Variants in KLC4 observed in about 807,000 individuals in gnomAD.
The protein encoded by KLC4 is kinesin light chain 4.
In KLC4, 49 loss-of-function variants were observed where a neutral mutation model predicts 77.2. The observed-to-expected ratio is 0.63, with a 90% confidence interval of 0.50 to 0.80. KLC4 has a LOEUF of 0.80. Among genes scored for constraint, KLC4 ranks in the 30% least tolerant of loss-of-function variants. KLC4 has a pLI of 0.00. For missense variants in KLC4, 669 were observed against 793.5 expected, an observed-to-expected ratio of 0.84 and a Z score of 1.89; for synonymous variants, 274 against 314.5, an observed-to-expected ratio of 0.87 and a Z score of 1.36.
At chr6:43,066,654 A>G in intron 5 of KLC4, 129 bp downstream of exon 5, 1 of 755,218 alleles carries the variant, frequency 1.3e-6, no homozygotes, top group Admixed American at 2.8e-5. Flanking sequence ...ACACCCCAAC[A>G]GGGTGCTTCT....
intron 3 of KLC4, among the ~76,000 whole-genome samples, chr6:43,063,552 G>A (rs4714659): frequency 0.23 from 34,273 of 150,774 alleles, 6,322 homozygotes; most frequent in African/African-American, 0.51. Flanking sequence ...CAAAATGTGT[G>A]AATTTTTTTT....
intron 4 of KLC4, 66 bp downstream of exon 4, chr6:43,065,767 A>G (rs1765392695): frequency 9.4e-7 from 1 of 1,059,706 alleles, no homozygotes; most frequent in African/African-American, 1.6e-5. Flanking sequence ...GCTGTGGCCC[A>G]CCCTGTACAC....
Position 43,070,794 on chromosome 6 carries a change from C to T in KLC4, c.1084C>T (p.Arg362Ter), listed in dbSNP as rs141021918. 6.2e-6 allele frequency: 10 copies of T among 1,613,936 alleles called. No homozygotes were observed. Among genetic ancestry groups the T allele is most frequent in the Non-Finnish European group, 8.5e-6 (10 of 1,180,002 alleles). The change falls in exon 8 of 16, where the codon CGA becomes TGA. Residue 362 changes from arginine to a stop codon, truncating the protein, a stop_gained. Transcript: ENST00000347162. LOFTEE classifies it high-confidence loss of function. Reference protein sequence around the residue: ...KYEAVERYYQRALAIYEGQLG... With the variant: ...KYEAVERYYQ The stretch of plus-strand genomic sequence containing the variant: ...TGAGGCCGTGGAACGCTACTACCAG[C>T]GAGCACTGGCCATCTACGAGGGGCA...
chr6:43,065,790 A>G, intron 4 of KLC4, 89 bp downstream of exon 4: 2 of 849,614 alleles, frequency 2.4e-6, no homozygotes, highest in Non-Finnish European at 1.9e-6. Flanking sequence ...GACAGTCACC[A>G]TCTAGAAATA....
intron 10 of KLC4, 104 bp downstream of exon 10, chr6:43,071,723 C>T: frequency 1.4e-6 from 2 of 1,439,174 alleles, no homozygotes; most frequent in Non-Finnish European, 1.9e-6. Flanking sequence ...CCAGCACCAG[C>T]CCCAGATGCA....
Position 43,071,560 on chromosome 6 carries a change from C to T in KLC4, c.1256-7C>T. On this transcript the variant is annotated splice_region_variant and splice_polypyrimidine_tract_variant and intron_variant, in intron 9 of 15. Coordinates refer to ENST00000347162, the MANE Select transcript of KLC4 (RefSeq NM_201521.3). ...TCTAACCTCCCCACCCCATGTATCA[C>T]CCCTAGATGACCACAAGCCCATCTG... 4 of 1,613,130 alleles carry T rather than the reference C, an allele frequency of 2.5e-6. No individual in the cohort carries two copies. Among genetic ancestry groups the T allele is most frequent in the Non-Finnish European group, 3.4e-6 (4 of 1,179,630 alleles).
intron 7 of KLC4, 114 bp from the exon 8 acceptor site, chr6:43,070,574 TCTTC>T: frequency 4.2e-6 from 6 of 1,412,172 alleles, no homozygotes; most frequent in African/African-American, 1.4e-5. Flanking sequence ...CTTTGTTCTC[TCTTC>T]CTTCATTCCC....
At chr6:43,071,458 C>T (rs1009748467) in intron 9 of KLC4, 84 bp downstream of exon 9, 11 of 1,538,810 alleles carry the variant, frequency 7.1e-6, no homozygotes, top group Non-Finnish European at 9.0e-6. Flanking sequence ...ACAGCGGTTC[C>T]CAGGGGGAGC....
intron 3 of KLC4, 85 bp from the exon 4 acceptor site, chr6:43,065,535 T>C: frequency 1.1e-6 from 1 of 884,584 alleles, no homozygotes; most frequent in Middle Eastern, 2.3e-4. Flanking sequence ...CCCATCTGTC[T>C]GTGATTTCAT....
chr6:43,070,592 C>T (rs1263727200), intron 7 of KLC4, 100 bp from the exon 8 acceptor site: 1 of 1,444,042 alleles, frequency 6.9e-7, no homozygotes, highest in African/African-American at 1.4e-5. Flanking sequence ...CATTCCCTTT[C>T]CTCTGCTTTC....
chr6:43,071,854 C>A lies in KLC4; in HGVS notation c.1311C>A (p.Ser437Arg). The A allele has an allele frequency of 6.2e-7, 1 of 1,611,936 alleles. No homozygotes were observed. Among genetic ancestry groups the A allele is most frequent in the Non-Finnish European group, 8.5e-7 (1 of 1,179,550 alleles). The change falls in exon 11 of 16, where the codon AGC (serine) becomes AGA (arginine). Residue 437 changes from serine (S) to arginine (R), a missense_variant and splice_region_variant. Transcript: ENST00000347162. ...TCTGGCCTCTCTCTGTCCTGCAGAG[C>A]CGGCACCATGAGGGTGGGACACCCT... is the stretch of plus-strand genomic sequence containing the variant. ...HAEEREEMSK[S>R]RHHEGGTPYA...
chr6:43,064,099 A>G (rs1194107577), intron 3 of KLC4, among the ~76,000 whole-genome samples: 1 of 152,148 alleles, frequency 6.6e-6, no homozygotes, highest in Non-Finnish European at 1.5e-5. Flanking sequence ...CGGCCTCCCA[A>G]AATGCTGGGA....
intron 3 of KLC4, among the ~76,000 whole-genome samples, chr6:43,064,199 A>G (rs1765305966): frequency 6.6e-6 from 1 of 152,188 alleles, no homozygotes; most frequent in South Asian, 2.1e-4. Flanking sequence ...GAGAACATAT[A>G]TGTGACAAAA....
At chr6:43,074,046 A>AG in intron 15 of KLC4, 81 bp downstream of exon 15, 2 of 1,099,548 alleles carry the variant, frequency 1.8e-6, no homozygotes, top group Non-Finnish European at 2.7e-6. Context: ...GTAAGGGAAG[A>AG]GGGAAGGGAG....
At chr6:43,067,878 C>T (rs1464059113) in intron 6 of KLC4, among the ~76,000 whole-genome samples, 5 of 112,640 alleles carry the variant, frequency 4.4e-5, no homozygotes, top group African/African-American at 9.7e-5. Context: ...TTTGGGAGGC[C>T]GAGGCGGGCG....
intron 6 of KLC4, 34 bp downstream of exon 6, chr6:43,067,117 C>T (rs146188256): frequency 0.025 from 39,987 of 1,605,280 alleles, 619 homozygotes; most frequent in Non-Finnish European, 0.031. Context: ...CCCCACGCCC[C>T]GCACCCCCCA....
intron 6 of KLC4, among the ~76,000 whole-genome samples, 172 bp from the exon 7 acceptor site, chr6:43,070,182 G>A (rs1765648844): frequency 6.6e-6 from 1 of 151,696 alleles, no homozygotes; most frequent in Non-Finnish European, 1.5e-5. Flanking sequence ...TAGCCTCAGA[G>A]CCATCCTGTT....
At chr6:43,074,454 C>T (rs779325541) in intron 15 of KLC4, 168 bp from the exon 16 acceptor site, 4 of 641,078 alleles carry the variant, frequency 6.2e-6, no homozygotes, top group Non-Finnish European at 1.1e-5. Flanking sequence ...TTCTGGAAAA[C>T]CCTAGCAGAG....
rs768226732 is a variant in KLC4 at position 43,063,120 on chromosome 6, G to C, written c.462G>C (p.Arg154=). ...ACCTGGAGTTCCTGGGGCAGCTGCG[G>C]CAGTATGATGAGGATGGACATACCT... ...KKHLEFLGQL[R]QYDEDGHTSE... The change falls in exon 3 of 16, where the codon CGG becomes CGC. Residue 154 remains arginine (R), a synonymous_variant. Transcript: ENST00000347162. 3.7e-6 allele frequency: 6 copies of C among 1,613,928 alleles called. No homozygotes were observed. The African/African-American group carries it at 6.7e-5, about 18-fold the overall frequency.
Sources: allele counts gnomAD v4.1 joint callset (sites outside exome capture counted in the v4.1 genomes callset), GRCh38; gene constraint gnomAD v4.1.1; transcripts MANE v1.5; gene names NCBI Gene and HGNC (gene_info 2026-07-23, HGNC 2026-07-21).